NBPF15: variants seen among roughly 807,000 people sequenced by gnomAD.
NBPF15 encodes NBPF member 15.
A neutral mutation model predicts 62.2 loss-of-function variants in NBPF15; 74 were observed. That is an observed-to-expected ratio of 1.19 (90% CI 0.99 to 1.44). The LOEUF is 1.44. Among genes scored for constraint, NBPF15 ranks in the 40% most tolerant of loss-of-function variants. The pLI is 0.00. For synonymous variants in NBPF15, 244 were observed against 209.7 expected (o/e 1.16, Z -1.41); for missense variants, 790 against 550.0 (o/e 1.44, Z -4.36).
At chr1:144,434,487 C>G (rs1676730281) in intron 12 of NBPF15, among the ~76,000 whole-genome samples, 1 of 127,714 alleles carries the variant, frequency 7.8e-6, no homozygotes, top group African/African-American at 3.1e-5. Context: ...GGTGACAGAG[C>G]AAGACTCCAT....
intron 6 of NBPF15, among the ~76,000 whole-genome samples, chr1:144,447,943 C>G (rs1428300471): frequency 4.6e-5 from 7 of 151,976 alleles, no homozygotes; most frequent in Non-Finnish European, 1.0e-4. Context: ...AACCACAGAC[C>G]GCACGGCTCC....
At chr1:144,453,595 GT>G (rs1263871623) in intron 4 of NBPF15, among the ~76,000 whole-genome samples, 258 of 133,282 alleles carry the variant, frequency 1.9e-3, no homozygotes, top group Non-Finnish European at 3.0e-3. Flanking sequence ...AAAAACTGCT[GT>G]CCAAAATATA....
Position 144,439,927 on chromosome 1 carries a change from G to A in NBPF15, c.77C>T (p.Pro26Leu), listed in dbSNP as rs1197416760. 1.2e-6 allele frequency: 2 copies of A among 1,611,406 alleles called. No homozygotes were observed. Among genetic ancestry groups the A allele is most frequent in the Non-Finnish European group, 8.5e-7 (1 of 1,179,210 alleles). Residue 26 changes from proline (P) to leucine (L), a missense_variant, in exon 8 of 22, where the codon CCC (proline) becomes CTC (leucine). By Grantham distance (98) the Pro-to-Leu change is moderately conservative. Coordinates refer to ENST00000581897, the MANE Select transcript of NBPF15 (RefSeq NM_001385408.1). ...NILEINEKLR[P>L]QLAEKKQQFR... ...CTGCTGTTTCTTCTCTGCCAACTGG[G>A]GGCGCAATTTCTCATTGATTTCTAG...
chr1:144,424,207 C>A (rs1344575763), intron 20 of NBPF15, among the ~76,000 whole-genome samples: 1 of 151,990 alleles, frequency 6.6e-6, no homozygotes, highest in Non-Finnish European at 1.5e-5. Context: ...ATCCCAATAA[C>A]ATTTGTCCCA....
intron 6 of NBPF15, among the ~76,000 whole-genome samples, chr1:144,445,354 T>TATATATACAC (rs1322315552): frequency 3.8e-5 from 4 of 104,456 alleles, no homozygotes; most frequent in African/African-American, 2.1e-4. Context: ...TATATATATA[T>TATATATACAC]ACACACACAC....
chr1:144,450,576 C>A (rs1553545234), intron 5 of NBPF15, among the ~76,000 whole-genome samples, 196 bp downstream of exon 5: 2 of 150,406 alleles, frequency 1.3e-5, no homozygotes, highest in African/African-American at 5.0e-5. Flanking sequence ...GAGAACCCGG[C>A]CACTTCATTC....
At chr1:144,458,948 G>C (rs1430061072) in intron 3 of NBPF15, among the ~76,000 whole-genome samples, 1 of 151,560 alleles carries the variant, frequency 6.6e-6, no homozygotes, top group Admixed American at 6.6e-5. Flanking sequence ...GGCTGAGGTG[G>C]GAGGATCGCT....
chr1:144,455,427 C>T (rs1168824241), intron 4 of NBPF15, among the ~76,000 whole-genome samples: 9 of 152,162 alleles, frequency 5.9e-5, no homozygotes, highest in South Asian at 2.1e-4. Flanking sequence ...AAACTATATG[C>T]TGTTTCCACG....
chr1:144,446,070 G>T (rs1454058315), intron 6 of NBPF15, among the ~76,000 whole-genome samples: 2 of 150,522 alleles, frequency 1.3e-5, no homozygotes, highest in Admixed American at 1.3e-4. Context: ...AGGCATGATG[G>T]TCTCCATCTC....
Position 144,426,445 on chromosome 1 carries a change from C to T in NBPF15, c.1271G>A (p.Ser424Asn), listed in dbSNP as rs1374803776. 1.3e-6 allele frequency: 1 copy of T among 790,824 alleles called. No homozygotes were observed. Among genetic ancestry groups the T allele is most frequent in the Non-Finnish European group, 2.3e-6 (1 of 432,474 alleles). The allele number at this position is 790,824 out of a possible 1,614,324, so 49.0% of individuals were successfully genotyped here. Residue 424 changes from serine to asparagine, a missense_variant, in exon 18 of 22, where the codon AGC becomes AAC. By Grantham distance (46) the Ser-to-Asn change is conservative. Transcript: ENST00000581897. ...EDQDPSCPRL[S>N]RELLDEKEPE... ...CTCTTTCTCATCCAGCAGCTCCCTG[C>T]TGAGCCTGGAAAAGTAGGAAAAAGT... is the stretch of plus-strand genomic sequence containing the variant.
rs1227658986 is a variant in NBPF15 at position 144,448,476 on chromosome 1, A to G, written c.-191+299T>C. On this transcript the variant is annotated intron_variant, in intron 6 of 21. Transcript: ENST00000581897. The stretch of plus-strand genomic sequence containing the variant: ...CTATGTACATAAAGGGAGGGGACAG[A>G]CAACAAATTTGCATATTATAAACTG... 9.2e-5 allele frequency among the ~76,000 whole-genome samples: 14 copies of G among 152,180 alleles called. 1 individual carries two copies. The highest frequency in any genetic ancestry group is 3.4e-4 in the African/African-American group (14 of 41,494).
chr1:144,438,883 C>T (rs1349568746), intron 8 of NBPF15, among the ~76,000 whole-genome samples: 5 of 151,908 alleles, frequency 3.3e-5, no homozygotes, highest in East Asian at 3.9e-4. Flanking sequence ...TTCTCGGATG[C>T]GATCTTTCTT....
At chr1:144,436,344 A>C (rs1311451566) in intron 10 of NBPF15, among the ~76,000 whole-genome samples, 7 of 151,998 alleles carry the variant, frequency 4.6e-5, no homozygotes, top group Non-Finnish European at 5.9e-5. Context: ...AGTCTGAAGC[A>C]CTTCCTACCA....
intron 3 of NBPF15, among the ~76,000 whole-genome samples, chr1:144,457,361 G>A (rs1187985138): frequency 2.6e-5 from 4 of 151,922 alleles, no homozygotes; most frequent in South Asian, 2.1e-4. Context: ...AGGCTGTCTC[G>A]CTGAGCTTTC....
chr1:144,455,681 T>C (rs1441935618), intron 4 of NBPF15, among the ~76,000 whole-genome samples: 9 of 151,926 alleles, frequency 5.9e-5, no homozygotes, highest in African/African-American at 2.2e-4. Context: ...TCACTGGACT[T>C]CCCTCCTTGC....
chr1:144,443,544 G>C (rs1273376785), intron 6 of NBPF15, among the ~76,000 whole-genome samples: 1 of 151,778 alleles, frequency 6.6e-6, no homozygotes, highest in South Asian at 2.1e-4. Context: ...TAACAAAATT[G>C]AGTCTTCCAA....
At chr1:144,425,711 G>A (rs1335897136) in intron 18 of NBPF15, 143 bp from the exon 19 acceptor site, 2 of 411,898 alleles carry the variant, frequency 4.9e-6, no homozygotes, top group Admixed American at 4.6e-5. Flanking sequence ...CAGGAGGCCT[G>A]AAAGCTGGTC....
At chr1:144,429,438 C>T (rs1483563574) in intron 14 of NBPF15, among the ~76,000 whole-genome samples, 1 of 151,320 alleles carries the variant, frequency 6.6e-6, no homozygotes, top group Non-Finnish European at 1.5e-5. Context: ...TTTGCCACAC[C>T]TGCCTTGAGT....
In NBPF15 at chr1:144,440,140, C is replaced by T. The variant is rs1378024184; in HGVS notation, c.-36+1G>A. ...GTAAGTAACTGAAATTCTTAACTTACTGTTGTCAAAAATGTGATCACTCCC... is the reference window on the plus strand; with the variant it reads ...GTAAGTAACTGAAATTCTTAACTTATTGTTGTCAAAAATGTGATCACTCCC... On this transcript the variant is annotated splice_donor_variant, in intron 7 of 21. Transcript: ENST00000581897. LOFTEE classifies it low-confidence loss of function (5UTR_SPLICE). 10 of 1,584,866 alleles carry T rather than the reference C, an allele frequency of 6.3e-6. No individual in the cohort carries two copies. The highest frequency in any genetic ancestry group is 8.6e-6 in the Non-Finnish European group (10 of 1,159,156).
Sources: allele counts gnomAD v4.1 joint callset (sites outside exome capture counted in the v4.1 genomes callset), GRCh38; gene constraint gnomAD v4.1.1; transcripts MANE v1.5; gene names NCBI Gene and HGNC (gene_info 2026-07-23, HGNC 2026-07-21).